MSTO1: variants seen among roughly 807,000 people sequenced by gnomAD.
The protein encoded by MSTO1 is misato mitochondrial distribution and morphology regulator 1.
A neutral mutation model predicts 55.7 loss-of-function variants in MSTO1; 24 were observed. The ratio of observed to expected loss-of-function variants is 0.43; its 90% CI spans 0.31 to 0.61. The LOEUF (loss-of-function observed/expected upper bound fraction) is 0.61. Among genes scored for constraint, MSTO1 ranks in the 20% least tolerant of loss-of-function variants. The pLI is 0.09. For synonymous variants in MSTO1, 162 were observed against 252.8 expected (o/e 0.64, Z 3.41); for missense variants, 363 against 625.7 (o/e 0.58, Z 4.48).
the MSTO1 span, among the ~76,000 whole-genome samples, chr1:155,567,006 G>A: frequency 1.3e-5 from 2 of 151,894 alleles, no homozygotes; most frequent in African/African-American, 2.4e-5. Context: ...CAGCCTCCTC[G>A]GTAGCCGGGA....
chr1:155,601,070 C>T, the MSTO1 span, among the ~76,000 whole-genome samples: 3 of 148,884 alleles, frequency 2.0e-5, no homozygotes, highest in Admixed American at 1.3e-4. Context: ...TCGCCCACCT[C>T]GGCCTCCCAA....
the MSTO1 span, chr1:155,563,246 G>C: frequency 2.9e-3 from 1,322 of 456,638 alleles, 9 homozygotes; most frequent in Non-Finnish European, 4.2e-3. Flanking sequence ...AGCCTACTTC[G>C]CAGTAGCAGG....
chr1:155,592,919 C>CT, the MSTO1 span, among the ~76,000 whole-genome samples: 2,223 of 141,984 alleles, frequency 0.016, 54 homozygotes, highest in African/African-American at 0.053. Context: ...AGTTTACTTT[C>CT]TTTTTTTTTT....
chr1:155,572,042 CAAAAAAA>C, the MSTO1 span, among the ~76,000 whole-genome samples: 9 of 77,824 alleles, frequency 1.2e-4, no homozygotes, highest in South Asian at 3.4e-3. Flanking sequence ...ACTCTTGTCT[CAAAAAAA>C]AAAAAAAAAA....
intron 4 of MSTO1, 72 bp from the exon 5 acceptor site, chr1:155,611,477 T>G: frequency 2.5e-6 from 4 of 1,613,834 alleles, no homozygotes; most frequent in Non-Finnish European, 3.4e-6. Context: ...GCCAGCCAAC[T>G]CAAGGAGGAC....
intron 8 of MSTO1, 45 bp from the exon 9 acceptor site, chr1:155,612,373 C>A: frequency 6.3e-7 from 1 of 1,584,044 alleles, no homozygotes; most frequent in South Asian, 1.2e-5. Flanking sequence ...AAATCAGAAT[C>A]CCAGTGGGAG....
chr1:155,564,322 C>T, the MSTO1 span, among the ~76,000 whole-genome samples: 3 of 152,110 alleles, frequency 2.0e-5, no homozygotes, highest in African/African-American at 7.2e-5. Context: ...GGCAAAATCC[C>T]GTCTCTACTA....
the MSTO1 span, among the ~76,000 whole-genome samples, chr1:155,596,536 G>A: frequency 6.6e-6 from 1 of 152,178 alleles, no homozygotes; most frequent in Admixed American, 6.5e-5. Flanking sequence ...TGTAATCCCA[G>A]CACTTTGGGA....
At chr1:155,598,922 A>G in the MSTO1 span, 69 of 1,404,746 alleles carry the variant, frequency 4.9e-5, no homozygotes, top group Admixed American at 5.0e-4. Context: ...GATGGTAAGA[A>G]CTTCCTGTCT....
rs1675221469 is a variant in MSTO1 at position 155,614,632 on chromosome 1, A to C, written c.*359A>C. The C allele has an allele frequency of 1.9e-6, 2 of 1,045,226 alleles. No homozygotes were observed. The highest frequency in any genetic ancestry group is 3.7e-5 in the Admixed American group (2 of 54,040). 64.7% of individuals were successfully genotyped at this position (1,045,226 alleles called of 1,614,324 possible). On this transcript the variant is annotated 3_prime_UTR_variant, in exon 14 of 14. Transcript: ENST00000245564. The stretch of plus-strand genomic sequence containing the variant: ...CTCTCCAGATCTGTAAACTGGGCTC[A>C]AGGACTGTACAAGCAGAGTACAACT...
At chr1:155,593,179 G>A in the MSTO1 span, among the ~76,000 whole-genome samples, 1 of 152,162 alleles carries the variant, frequency 6.6e-6, no homozygotes, top group Non-Finnish European at 1.5e-5. Flanking sequence ...ATCCCAAAGT[G>A]CTGGGATTAC....
the MSTO1 span, chr1:155,586,776 C>G: frequency 1.2e-5 from 5 of 428,248 alleles, no homozygotes; most frequent in Middle Eastern, 8.3e-4. Flanking sequence ...TTAACTCAGT[C>G]TTGCTCTGTC....
upstream of MSTO1, among the ~76,000 whole-genome samples, chr1:155,609,243 A>ATATATAT (rs59756178): frequency 3.5e-3 from 189 of 54,564 alleles, 2 homozygotes; most frequent in Non-Finnish European, 4.7e-3. Context: ...ATATATATAT[A>ATATATAT]TTTTTTTTTT....
chr1:155,600,582 C>G, the MSTO1 span, among the ~76,000 whole-genome samples: 1 of 147,002 alleles, frequency 6.8e-6, no homozygotes, highest in African/African-American at 2.7e-5. Flanking sequence ...GAGTCTTGCT[C>G]TGTCGCCCAG....
chr1:155,577,319 ACC>A, the MSTO1 span, among the ~76,000 whole-genome samples: 17 of 151,434 alleles, frequency 1.1e-4, no homozygotes, highest in South Asian at 2.1e-4. Context: ...CGATCTCCTG[ACC>A]TCGTGATCCA....
chr1:155,600,740 G>GT, the MSTO1 span, among the ~76,000 whole-genome samples: 2 of 152,130 alleles, frequency 1.3e-5, no homozygotes, highest in African/African-American at 4.8e-5. Context: ...TATAGACAGG[G>GT]TTTTGCCATG....
the MSTO1 span, among the ~76,000 whole-genome samples, chr1:155,578,507 C>CTT: frequency 5.4e-3 from 534 of 99,488 alleles, 5 homozygotes; most frequent in African/African-American, 8.9e-3. Flanking sequence ...CCCGGCTAAT[C>CTT]TTTTTTTTTT....
At chr1:155,609,338 CG>C (rs1309183529), upstream of MSTO1, among the ~76,000 whole-genome samples, 1 of 146,986 alleles carries the variant, frequency 6.8e-6, no homozygotes, top group Non-Finnish European at 1.5e-5. Context: ...CTCCGCCTCC[CG>C]GGTTCACGCC....
the MSTO1 span, among the ~76,000 whole-genome samples, chr1:155,604,806 T>G: frequency 1.3e-5 from 2 of 152,004 alleles, no homozygotes; most frequent in African/African-American, 4.8e-5. Context: ...GCCCAAGAGG[T>G]CGAAGTTGCA....
Sources: allele counts gnomAD v4.1 joint callset (sites outside exome capture counted in the v4.1 genomes callset), GRCh38; gene constraint gnomAD v4.1.1; transcripts MANE v1.5; gene names NCBI Gene and HGNC (gene_info 2026-07-23, HGNC 2026-07-21).